NRG3: variants seen among roughly 807,000 people sequenced by gnomAD.
NRG3 encodes the protein neuregulin 3.
Under a neutral mutation model 66.9 loss-of-function variants are expected in NRG3, and 31 were observed. The ratio of observed to expected loss-of-function variants is 0.46; its 90% confidence interval spans 0.35 to 0.63. The LOEUF (loss-of-function observed/expected upper bound fraction) is 0.63, where lower values mean the gene tolerates loss of function less well. Ranked by LOEUF, NRG3 falls within the 20% of genes least tolerant of loss-of-function variation. NRG3 has a pLI of 0.00. For missense variants in NRG3, 910 were observed against 878.9 expected (o/e 1.04, Z -0.45); for synonymous variants, 393 against 359.4 (o/e 1.09, Z -1.06).
At position 82,228,356 on chromosome 10, in the gene NRG3, G is replaced by T. The variant is rs531808145; in HGVS notation, c.824-130383G>T. On this transcript the variant is annotated intron_variant, in intron 1 of 8. Transcript: ENST00000372141. ...CTGACATATTGTACCCCTCATTAGG[G>T]ATACAGCATTATGATAAATTTCTAA... is the stretch of plus-strand genomic sequence containing the variant. Among the ~76,000 whole-genome samples the T allele has an allele frequency of 4.3e-3, 651 of 152,172 alleles. 6 individuals are homozygous for T. The highest frequency in any genetic ancestry group is 0.015 in the African/African-American group (625 of 41,534).
intron 2 of NRG3, among the ~76,000 whole-genome samples, chr10:82,410,308 G>A (rs965648709): frequency 6.6e-6 from 1 of 151,676 alleles, no homozygotes; most frequent in African/African-American, 2.4e-5. Context: ...AATATAATGG[G>A]GACCATTTCT....
intron 2 of NRG3, among the ~76,000 whole-genome samples, chr10:82,599,365 G>A (rs2047477922): frequency 6.6e-6 from 1 of 152,174 alleles, no homozygotes; most frequent in South Asian, 2.1e-4. Context: ...TACGTCATTA[G>A]CAGAGAGGAG....
At chr10:82,952,768 T>C (rs1849666747) in intron 5 of NRG3, among the ~76,000 whole-genome samples, 3 of 151,876 alleles carry the variant, frequency 2.0e-5, no homozygotes. Context: ...GTGATACCTG[T>C]CTGCATGTTA....
intron 1 of NRG3, among the ~76,000 whole-genome samples, chr10:82,289,671 C>A (rs1313980009): frequency 6.6e-6 from 1 of 152,040 alleles, no homozygotes; most frequent in Non-Finnish European, 1.5e-5. Flanking sequence ...ATAATATATA[C>A]CTTTATAGAC....
chr10:82,830,321 G>A lies in NRG3; in HGVS notation c.1028-35090G>A, dbSNP rs552453554. Among the ~76,000 whole-genome samples, 94 of 152,240 alleles carry A rather than the reference G, an allele frequency of 6.2e-4. 1 individual carries two copies. The highest frequency in any genetic ancestry group is 2.1e-3 in the African/African-American group (89 of 41,540). On this transcript the variant is annotated intron_variant, in intron 3 of 8. Coordinates refer to ENST00000372141, the MANE Select transcript of NRG3 (RefSeq NM_001010848.4). ...ACTGTCCAAAACAATGTAGACAATC[G>A]CTAGGTCTAAGATATTTGACTTTAA...
intron 2 of NRG3, among the ~76,000 whole-genome samples, chr10:82,406,937 C>A (rs1170129683): frequency 6.6e-6 from 1 of 151,978 alleles, no homozygotes. Flanking sequence ...AAATTGGAAT[C>A]TTCTTATCAT....
At chr10:82,414,222 G>A (rs898784368) in intron 2 of NRG3, among the ~76,000 whole-genome samples, 7 of 152,006 alleles carry the variant, frequency 4.6e-5, no homozygotes, top group African/African-American at 1.4e-4. Context: ...ACACAGAGGC[G>A]GTTGTAAGTT....
chr10:82,169,995 GTTT>G (rs34710450), intron 1 of NRG3, among the ~76,000 whole-genome samples: 2 of 142,802 alleles, frequency 1.4e-5, no homozygotes, highest in Admixed American at 1.4e-4. Context: ...TTTCATGTGT[GTTT>G]TTTTTTTTTT....
chr10:82,218,358 G>A (rs1343264531), intron 1 of NRG3, among the ~76,000 whole-genome samples: 6 of 152,122 alleles, frequency 3.9e-5, no homozygotes, highest in Non-Finnish European at 7.4e-5. Context: ...GTTCTCACAG[G>A]GAACTAAAGG....
intron 2 of NRG3, among the ~76,000 whole-genome samples, chr10:82,631,398 A>G (rs1024976467): frequency 6.6e-6 from 1 of 152,130 alleles, no homozygotes; most frequent in Admixed American, 6.5e-5. Flanking sequence ...CATCGTCTCT[A>G]TATTTTGAAC....
chr10:82,412,499 C>T (rs1937974), intron 2 of NRG3, among the ~76,000 whole-genome samples: 30,975 of 151,968 alleles, frequency 0.2, 4,378 homozygotes, highest in African/African-American at 0.4. Context: ...AGTTATAATC[C>T]TTTTGCTGGT....
At chr10:82,659,788 T>G (rs1390577424) in intron 2 of NRG3, among the ~76,000 whole-genome samples, 19 of 152,174 alleles carry the variant, frequency 1.2e-4, no homozygotes. Context: ...GGCAATGCCA[T>G]CAATGCCTCT....
At chr10:82,339,876 G>A (rs575272434) in intron 1 of NRG3, among the ~76,000 whole-genome samples, 1 of 151,928 alleles carries the variant, frequency 6.6e-6, no homozygotes, top group Non-Finnish European at 1.5e-5. Flanking sequence ...ATCTTCTGTC[G>A]TGCAGCTATC....
chr10:82,304,277 A>G (rs2134834256), intron 1 of NRG3, among the ~76,000 whole-genome samples: 1 of 152,270 alleles, frequency 6.6e-6, no homozygotes, highest in African/African-American at 2.4e-5. Flanking sequence ...TATGTCTAAG[A>G]GTCATTTGCA....
intron 2 of NRG3, among the ~76,000 whole-genome samples, chr10:82,465,104 TCCCTACAGTGG>T (rs1422380446): frequency 6.6e-6 from 1 of 152,168 alleles, no homozygotes; most frequent in Non-Finnish European, 1.5e-5. Flanking sequence ...CTGAAGAGCA[TCCCTACAGTGG>T]CACACCAGAG....
chr10:82,151,728 C>T (rs923784623), intron 1 of NRG3, among the ~76,000 whole-genome samples: 15 of 152,054 alleles, frequency 9.9e-5, no homozygotes, highest in African/African-American at 3.6e-4. Flanking sequence ...TTCCCCAAAG[C>T]ACCTGAATGA....
intron 2 of NRG3, among the ~76,000 whole-genome samples, chr10:82,502,023 A>T (rs1268047884): frequency 1.3e-5 from 2 of 152,172 alleles, no homozygotes; most frequent in South Asian, 4.1e-4. Flanking sequence ...GGATGAATGA[A>T]ATCCGAAGAG....
chr10:82,358,618 A>T, intron 1 of NRG3, 121 bp from the exon 2 acceptor site: 1 of 1,352,790 alleles, frequency 7.4e-7, no homozygotes, highest in Non-Finnish European at 1.0e-6. Context: ...CTGTCTGTCT[A>T]GAGTCCCAGA....
intron 1 of NRG3, among the ~76,000 whole-genome samples, chr10:82,016,537 G>T (rs570225180): frequency 6.6e-6 from 1 of 152,194 alleles, no homozygotes; most frequent in Admixed American, 6.6e-5. Flanking sequence ...ACATTTATTT[G>T]CCATAAAATA....
Sources: allele counts gnomAD v4.1 joint callset (sites outside exome capture counted in the v4.1 genomes callset), GRCh38; gene constraint gnomAD v4.1.1; transcripts MANE v1.5; gene names NCBI Gene and HGNC (gene_info 2026-07-23, HGNC 2026-07-21).